The following DNM3 variants were observed in gnomAD, a reference collection of about 807,000 sequenced individuals.
DNM3 encodes dynamin 3.
Under a neutral mutation model 101.6 loss-of-function variants are expected in DNM3, and 47 were observed. The ratio of observed to expected loss-of-function variants is 0.46; its 90% CI spans 0.37 to 0.59. The LOEUF is 0.59. DNM3 is among the 20% of genes least tolerant of loss of function. The pLI, the probability that DNM3 is intolerant of heterozygous loss-of-function variation, is 0.00. For missense variants in DNM3, 849 were observed against 1,085.7 expected, an observed-to-expected ratio of 0.78 and a Z score of 3.06; for synonymous variants, 385 against 387.9, an observed-to-expected ratio of 0.99 and a Z score of 0.09.
chr1:172,158,204 A>C (rs1291614030), intron 14 of DNM3, among the ~76,000 whole-genome samples: 1 of 151,984 alleles, frequency 6.6e-6, no homozygotes, highest in Non-Finnish European at 1.5e-5. Context: ...AAAGACCCTG[A>C]GGCAAGAGTG....
At chr1:172,294,823 G>T (rs1256763165) in intron 15 of DNM3, among the ~76,000 whole-genome samples, 1 of 150,950 alleles carries the variant, frequency 6.6e-6, no homozygotes, top group Non-Finnish European at 1.5e-5. Flanking sequence ...GAGGTGGAAG[G>T]ATGGTTTGAG....
At chr1:172,021,428 G>T (rs2047845577) in intron 4 of DNM3, among the ~76,000 whole-genome samples, 1 of 152,034 alleles carries the variant, frequency 6.6e-6, no homozygotes, top group African/African-American at 2.4e-5. Context: ...TTACACTCCA[G>T]CCTGGCAACA....
intron 15 of DNM3, among the ~76,000 whole-genome samples, chr1:172,298,985 T>C (rs542889075): frequency 2.5e-4 from 38 of 151,818 alleles, no homozygotes; most frequent in Middle Eastern, 3.4e-3. Flanking sequence ...GTAAATATAA[T>C]AGAAAGGGGA....
rs1304944228 is a variant in DNM3, at chr1:172,056,825, A to T, written c.1335+8075A>T. 3.2e-4 allele frequency among the ~76,000 whole-genome samples: 49 copies of T among 152,344 alleles called. 1 individual carries two copies. In the East Asian group the frequency reaches 6.7e-3, roughly 21 times the overall value. On this transcript the variant is annotated intron_variant, in intron 10 of 20. Transcript: ENST00000627582. ...AAGGAACACAGTTCCTCACCAGCAA[A>T]GGAACAAAGCTGGACGGAGAACGAC...
rs140544445 is a variant in DNM3, at chr1:172,108,224, A to T, written c.1545+15349A>T. ...AATCTTAGGGTCTCAGATTTATCATATAGTAGCTCTACATGTCAGTTCAAA... is the reference window on the plus strand; with the variant it reads ...AATCTTAGGGTCTCAGATTTATCATTTAGTAGCTCTACATGTCAGTTCAAA... On this transcript the variant is annotated intron_variant, in intron 13 of 20. Transcript: ENST00000627582. 5.9e-5 allele frequency among the ~76,000 whole-genome samples: 9 copies of T among 152,292 alleles called. No individual in the cohort carries two copies. In the East Asian group the frequency reaches 1.7e-3, roughly 29 times the overall value.
intron 14 of DNM3, among the ~76,000 whole-genome samples, chr1:172,143,656 C>A (rs2057714500): frequency 6.6e-6 from 1 of 152,070 alleles, no homozygotes; most frequent in Non-Finnish European, 1.5e-5. Context: ...GAAGTGGAAG[C>A]ATTGTAAGCT....
At chr1:172,064,158 G>T (rs2051470074) in intron 10 of DNM3, among the ~76,000 whole-genome samples, 1 of 152,018 alleles carries the variant, frequency 6.6e-6, no homozygotes, top group Non-Finnish European at 1.5e-5. Context: ...TTCATCCCTT[G>T]ACTCTCTATA....
At chr1:171,941,578 G>A (rs74126546) in intron 2 of DNM3, among the ~76,000 whole-genome samples, 3,346 of 152,270 alleles carry the variant, frequency 0.022, 123 homozygotes, top group African/African-American at 0.075. Context: ...GGACTGAGAT[G>A]TCTACCATAG....
chr1:171,966,836 C>A (rs1571871093), intron 2 of DNM3, among the ~76,000 whole-genome samples: 2 of 152,150 alleles, frequency 1.3e-5, no homozygotes, highest in East Asian at 3.8e-4. Flanking sequence ...TTGTGTGTAA[C>A]CTCTATAACC....
At chr1:172,024,246 A>G (rs1281242812) in intron 4 of DNM3, among the ~76,000 whole-genome samples, 1 of 152,174 alleles carries the variant, frequency 6.6e-6, no homozygotes, top group Non-Finnish European at 1.5e-5. Flanking sequence ...AATAATATCC[A>G]TTGATTCAAT....
At chr1:172,196,500 T>A (rs1052746082) in intron 14 of DNM3, among the ~76,000 whole-genome samples, 2 of 152,080 alleles carry the variant, frequency 1.3e-5, no homozygotes, top group Non-Finnish European at 2.9e-5. Context: ...TCCACAATGA[T>A]TGAACTAATT....
In DNM3 at chr1:172,243,174, C is replaced by A. The variant is rs77817174; in HGVS notation, c.1660-10399C>A. Among the ~76,000 whole-genome samples the A allele has an allele frequency of 5.0e-3, 765 of 151,960 alleles. 4 individuals are homozygous for A. Among genetic ancestry groups the A allele is most frequent in the African/African-American group, 0.017 (720 of 41,444 alleles). On this transcript the variant is annotated intron_variant, in intron 14 of 20. Coordinates refer to ENST00000627582, the MANE Select transcript of DNM3 (RefSeq NM_015569.5). Reference sequence around the variant, plus strand: ...TATTACATTACCAATCTCATATGTACAAATATGTAGGACTATTTCTCTAAA... The same window carrying A: ...TATTACATTACCAATCTCATATGTAAAAATATGTAGGACTATTTCTCTAAA...
intron 14 of DNM3, among the ~76,000 whole-genome samples, chr1:172,245,502 A>G (rs12403844): frequency 0.21 from 31,881 of 152,126 alleles, 3,336 homozygotes; most frequent in East Asian, 0.24. Flanking sequence ...CCATGGTGGG[A>G]GCTTCTGATG....
intron 10 of DNM3, among the ~76,000 whole-genome samples, chr1:172,067,406 C>A (rs1314923277): frequency 6.6e-6 from 1 of 152,104 alleles, no homozygotes; most frequent in East Asian, 1.9e-4. Flanking sequence ...ATCTGAATTG[C>A]TTCAGTAGCC....
intron 20 of DNM3, among the ~76,000 whole-genome samples, chr1:172,398,385 A>G (rs1318953637): frequency 2.0e-5 from 3 of 152,188 alleles, no homozygotes; most frequent in Non-Finnish European, 4.4e-5. Flanking sequence ...GTTCTGGTTT[A>G]TTGGCCTCAT....
intron 15 of DNM3, among the ~76,000 whole-genome samples, chr1:172,258,147 T>C (rs1175533957): frequency 1.3e-5 from 2 of 152,120 alleles, no homozygotes. Flanking sequence ...AGTATTCCAC[T>C]GTGTAAATAT....
At chr1:172,222,046 G>A (rs76089792) in intron 14 of DNM3, among the ~76,000 whole-genome samples, 2 of 152,198 alleles carry the variant, frequency 1.3e-5, no homozygotes, top group East Asian at 1.9e-4. Flanking sequence ...GAATAGATAA[G>A]GAGACTAGGA....
At chr1:172,048,166 T>G (rs551750112) in intron 9 of DNM3, among the ~76,000 whole-genome samples, 1 of 152,272 alleles carries the variant, frequency 6.6e-6, no homozygotes, top group South Asian at 2.1e-4. Flanking sequence ...AATTCATAAC[T>G]CCCCTTACTG....
chr1:172,032,968 G>A, intron 5 of DNM3, 137 bp from the exon 6 acceptor site: 1 of 1,071,356 alleles, frequency 9.3e-7, no homozygotes, highest in East Asian at 2.6e-5. Flanking sequence ...TTCCCATTGA[G>A]TTTTATAAAG....
Sources: allele counts gnomAD v4.1 joint callset (sites outside exome capture counted in the v4.1 genomes callset), GRCh38; gene constraint gnomAD v4.1.1; transcripts MANE v1.5; gene names NCBI Gene and HGNC (gene_info 2026-07-23, HGNC 2026-07-21).